Variants in TTBK1 observed in about 807,000 individuals in gnomAD.
TTBK1 encodes tau tubulin kinase 1.
Under a neutral mutation model 108.5 loss-of-function variants are expected in TTBK1, and 34 were observed. That is an observed-to-expected ratio of 0.31 (90% CI 0.24 to 0.42). The LOEUF is 0.42. Among genes scored for constraint, TTBK1 ranks in the 10% least tolerant of loss-of-function variants. The pLI, the probability that TTBK1 is intolerant of heterozygous loss-of-function variation, is 1.00. For synonymous variants in TTBK1, 809 were observed against 795.1 expected, an observed-to-expected ratio of 1.02 and a Z score of -0.29; for missense variants, 1,539 against 1,826.0, an observed-to-expected ratio of 0.84 and a Z score of 2.86.
rs764243061 is a variant in TTBK1, at chr6:43,263,303, C to T, written c.1939C>T (p.Pro647Ser). 9 of 1,490,828 alleles carry T rather than the reference C, an allele frequency of 6.0e-6. No individual in the cohort carries two copies. The highest frequency in any genetic ancestry group is 4.9e-5 in the Admixed American group (2 of 41,186). 92.3% of individuals were successfully genotyped at this position (1,490,828 alleles called of 1,614,324 possible). A position where few individuals can be genotyped will look rare whatever the true frequency, so the allele number is the denominator to read the frequency against. Reference sequence around the variant, plus strand: ...TTCCCACTCACCCCTGCACTCGGGACCCCGCCCTCGACGGAGAGAGTCGGA... The same window carrying T: ...TTCCCACTCACCCCTGCACTCGGGATCCCGCCCTCGACGGAGAGAGTCGGA... ...SPSHSPLHSGPRPRRRESDPT... is the reference protein window; with the variant it reads ...SPSHSPLHSGSRPRRRESDPT... Residue 647 changes from proline (P) to serine (S), a missense_variant, in exon 13 of 15, where the codon CCC becomes TCC. Coordinates refer to ENST00000259750, the MANE Select transcript of TTBK1 (RefSeq NM_032538.3). This position sits in a 1 kb window ranked among gnomAD's most constrained non-coding sequence, Gnocchi z 4.7.
In TTBK1 at chr6:43,253,845, C is replaced by T. The variant is rs965479432; in HGVS notation, c.471+137C>T. On this transcript the variant is annotated intron_variant, in intron 5 of 14. Coordinates refer to ENST00000259750, the MANE Select transcript of TTBK1 (RefSeq NM_032538.3). The surrounding 1 kb of genome is among the most constrained non-coding windows in gnomAD (Gnocchi z 5.8). ...GACAGCCTCTTCTCCCCAAGCCCCTCCTGCTCTCCTTCCCAGGCCCCATCT... is the reference window on the plus strand; with the variant it reads ...GACAGCCTCTTCTCCCCAAGCCCCTTCTGCTCTCCTTCCCAGGCCCCATCT... The T allele has an allele frequency of 8.6e-7, 1 of 1,159,964 alleles. No individual in the cohort carries two copies. Among genetic ancestry groups the T allele is most frequent in the South Asian group, 1.7e-5 (1 of 59,368 alleles). 71.9% of individuals were successfully genotyped at this position (1,159,964 alleles called of 1,614,324 possible). A position where few individuals can be genotyped will look rare whatever the true frequency, so the allele number is the denominator to read the frequency against.
In TTBK1 at chr6:43,269,957, G is replaced by GC. The variant is rs760559158; in HGVS notation, c.1986+6616dup. ...GGTTCACCCACAAGACCTAGGCTGG[G>GC]CCCCCCCCCTCCTGGAGGGGGCAGG... On this transcript the variant is annotated intron_variant, in intron 13 of 14. Transcript: ENST00000259750. This position sits in a 1 kb window ranked among gnomAD's most constrained non-coding sequence, Gnocchi z 4.8. 2,158 of 1,387,096 alleles carry GC rather than the reference G, an allele frequency of 1.6e-3. 1 individual carries two copies. Among genetic ancestry groups the GC allele is most frequent in the South Asian group, 2.8e-3 (184 of 64,880 alleles). 85.9% of individuals were successfully genotyped at this position (1,387,096 alleles called of 1,614,324 possible).
In TTBK1 at chr6:43,286,801, C is replaced by G. The variant is rs1412884373; in HGVS notation, c.*1425C>G. Reference sequence around the variant, plus strand: ...AACTGCCTACATCTGGGGCAAGCAGCACACCGGCTGCAGATGGGACAGCCA... The same window carrying G: ...AACTGCCTACATCTGGGGCAAGCAGGACACCGGCTGCAGATGGGACAGCCA... On this transcript the variant is annotated 3_prime_UTR_variant, in exon 15 of 15. Transcript: ENST00000259750. This position sits in a 1 kb window ranked among gnomAD's most constrained non-coding sequence, Gnocchi z 4.6. 1 of 152,440 alleles carries G rather than the reference C, an allele frequency of 6.6e-6. No individual in the cohort carries two copies. Among genetic ancestry groups the G allele is most frequent in the Non-Finnish European group, 1.5e-5 (1 of 68,232 alleles). 9.4% of individuals were successfully genotyped at this position (152,440 alleles called of 1,614,324 possible). A position where few individuals can be genotyped will look rare whatever the true frequency, so the allele number is the denominator to read the frequency against.
In TTBK1 at chr6:43,259,028, C is replaced by T. The variant is rs773099490; in HGVS notation, c.1017-10C>T. On this transcript the variant is annotated splice_polypyrimidine_tract_variant and intron_variant, in intron 10 of 14. Coordinates refer to ENST00000259750, the MANE Select transcript of TTBK1 (RefSeq NM_032538.3). The surrounding 1 kb of genome is among the most constrained non-coding windows in gnomAD (Gnocchi z 6.7). ...CAGCCTTGCCCATGGCTCCCTCCTGCCCTCTCCAGGGTGGTCAATGTGACG... is the reference window on the plus strand; with the variant it reads ...CAGCCTTGCCCATGGCTCCCTCCTGTCCTCTCCAGGGTGGTCAATGTGACG... 3 of 1,604,646 alleles carry T rather than the reference C, an allele frequency of 1.9e-6. No homozygotes were observed. The highest frequency in any genetic ancestry group is 2.6e-6 in the Non-Finnish European group (3 of 1,174,534).
At chr6:43,244,603 G>A (rs1169956320) in intron 1 of TTBK1, among the ~76,000 whole-genome samples, 1 of 152,174 alleles carries the variant, frequency 6.6e-6, no homozygotes, top group East Asian at 1.9e-4. Flanking sequence ...GAGAGAAGGA[G>A]GGTGGAGAGG....
chr6:43,266,646 TG>T (rs1473208351), intron 13 of TTBK1, among the ~76,000 whole-genome samples: 1 of 151,962 alleles, frequency 6.6e-6, no homozygotes, highest in Admixed American at 6.5e-5. Context: ...GACGGAGTTT[TG>T]CTCTTGTTCC....
Position 43,253,565 on chromosome 6 carries a change from C to A in TTBK1, c.331-3C>A. The A allele has an allele frequency of 6.2e-7, 1 of 1,603,942 alleles. No homozygotes were observed. Among genetic ancestry groups the A allele is most frequent in the Non-Finnish European group, 8.5e-7 (1 of 1,175,092 alleles). ...TCTACCCCCCACCTCCACCCCCATG[C>A]AGGGCCGGAACCTGGCCGACCTGCG... On this transcript the variant is annotated splice_polypyrimidine_tract_variant and splice_region_variant and intron_variant, in intron 4 of 14. Coordinates refer to ENST00000259750, the MANE Select transcript of TTBK1 (RefSeq NM_032538.3). The surrounding 1 kb of genome is among the most constrained non-coding windows in gnomAD (Gnocchi z 5.8).
At chr6:43,250,451 G>A (rs1281571396) in intron 2 of TTBK1, among the ~76,000 whole-genome samples, 1 of 150,514 alleles carries the variant, frequency 6.6e-6, no homozygotes, top group African/African-American at 2.5e-5. Flanking sequence ...CCGCCTCCCG[G>A]GTTCAAGTGA....
In TTBK1 at chr6:43,263,265, C is replaced by T. The variant is rs528510058; in HGVS notation, c.1901C>T (p.Thr634Met). Residue 634 changes from threonine to methionine, a missense_variant, in exon 13 of 15, where the codon ACG becomes ATG. By Grantham distance (81) the Thr-to-Met change is moderately conservative. This residue lies in a region of TTBK1 where 1,055 missense variants were observed against 1,086.5 expected (regional missense o/e 0.97). Transcript: ENST00000259750. This position sits in a 1 kb window ranked among gnomAD's most constrained non-coding sequence, Gnocchi z 4.7. ...CGTTCCGAGACGTCACAGCCCCCCA[C>T]GCCTGGCAGCCCTTCCCACTCACCC... The part of the protein sequence containing the change: ...DGRSETSQPP[T>M]PGSPSHSPLH... 24 of 1,539,142 alleles carry T rather than the reference C, an allele frequency of 1.6e-5. No homozygotes were observed. The highest frequency in any genetic ancestry group is 1.2e-4 in the East Asian group (5 of 41,516).
intron 2 of TTBK1, among the ~76,000 whole-genome samples, chr6:43,248,842 T>C (rs1346437197): frequency 6.6e-6 from 1 of 152,176 alleles, no homozygotes; most frequent in African/African-American, 2.4e-5. Context: ...TAACATCTTA[T>C]TCATCTTGAG....
intron 1 of TTBK1, among the ~76,000 whole-genome samples, chr6:43,245,617 G>A (rs1218938266): frequency 4.0e-5 from 6 of 151,858 alleles, no homozygotes; most frequent in East Asian, 1.9e-4. Context: ...ATACACACAC[G>A]CACACATGGG....
Position 43,263,011 on chromosome 6 carries a change from G to A in TTBK1, c.1647G>A (p.Glu549=). Residue 549 remains glutamate (E), a synonymous_variant, in exon 13 of 15, where the codon GAG becomes GAA. Coordinates refer to ENST00000259750, the MANE Select transcript of TTBK1 (RefSeq NM_032538.3). The surrounding 1 kb of genome is among the most constrained non-coding windows in gnomAD (Gnocchi z 4.7). ...DSKEWVIIDK[E]TELKDFPPGA... ...AAGAGTGGGTCATCATCGACAAGGA[G>A]ACGGAGCTCAAGGACTTCCCTCCAG... The A allele has an allele frequency of 6.2e-7, 1 of 1,608,672 alleles. No individual in the cohort carries two copies. The highest frequency in any genetic ancestry group is 8.5e-7 in the Non-Finnish European group (1 of 1,177,658).
At chr6:43,271,276 G>T (rs957600128) in intron 13 of TTBK1, 6 of 985,376 alleles carry the variant, frequency 6.1e-6, no homozygotes, top group African/African-American at 1.7e-5. Context: ...GTACACTTGT[G>T]CATAAGAGTG....
intron 13 of TTBK1, among the ~76,000 whole-genome samples, chr6:43,268,830 G>A (rs1049771674): frequency 6.6e-6 from 1 of 152,174 alleles, no homozygotes; most frequent in Non-Finnish European, 1.5e-5. Flanking sequence ...CTCCTCCTAC[G>A]AGTCCATCCC....
Position 43,269,525 on chromosome 6 carries a change from C to T in TTBK1, c.1986+6175C>T. ...CCCTCCTCCACCCTGCCTGACCCCG[C>T]CCACTTGCCCGGGACGCCGGCGCCG... is the stretch of plus-strand genomic sequence containing the variant. On this transcript the variant is annotated intron_variant, in intron 13 of 14. Coordinates refer to ENST00000259750, the MANE Select transcript of TTBK1 (RefSeq NM_032538.3). The surrounding 1 kb of genome is among the most constrained non-coding windows in gnomAD (Gnocchi z 4.8). 2 of 1,221,686 alleles carry T rather than the reference C, an allele frequency of 1.6e-6. No individual in the cohort carries two copies. Among genetic ancestry groups the T allele is most frequent in the South Asian group, 1.6e-5 (1 of 61,766 alleles). 75.7% of individuals were successfully genotyped at this position (1,221,686 alleles called of 1,614,324 possible). A position where few individuals can be genotyped will look rare whatever the true frequency, so the allele number is the denominator to read the frequency against.
In TTBK1 at chr6:43,269,646, G is replaced by A; in HGVS notation, c.1986+6296G>A. 2 of 1,609,968 alleles carry A rather than the reference G, an allele frequency of 1.2e-6. No individual in the cohort carries two copies. The highest frequency in any genetic ancestry group is 1.7e-6 in the Non-Finnish European group (2 of 1,178,480). On this transcript the variant is annotated intron_variant, in intron 13 of 14. Transcript: ENST00000259750. The surrounding 1 kb of genome is among the most constrained non-coding windows in gnomAD (Gnocchi z 4.8). Reference sequence around the variant, plus strand: ...CCACTTTCTTGGTCTCTTTCAGTTGGAGGAGGACAGACTCTCGGGGCACTC... The same window carrying A: ...CCACTTTCTTGGTCTCTTTCAGTTGAAGGAGGACAGACTCTCGGGGCACTC...
chr6:43,252,488 A>G (rs1260826666), intron 2 of TTBK1, among the ~76,000 whole-genome samples: 1 of 151,902 alleles, frequency 6.6e-6, no homozygotes, highest in Non-Finnish European at 1.5e-5. Flanking sequence ...TTAGGAGGGC[A>G]TGGTGGTGTG....
chr6:43,269,565 G>T lies in TTBK1; in HGVS notation c.1986+6215G>T, dbSNP rs1777769723. 2 of 1,438,268 alleles carry T rather than the reference G, an allele frequency of 1.4e-6. No individual in the cohort carries two copies. Among genetic ancestry groups the T allele is most frequent in the Admixed American group, 2.4e-5 (1 of 41,324 alleles). The allele number at this position is 1,438,268 out of a possible 1,614,324, so 89.1% of individuals were successfully genotyped here. A position where few individuals can be genotyped will look rare whatever the true frequency, so the allele number is the denominator to read the frequency against. On this transcript the variant is annotated intron_variant, in intron 13 of 14. Coordinates refer to ENST00000259750, the MANE Select transcript of TTBK1 (RefSeq NM_032538.3). This position sits in a 1 kb window ranked among gnomAD's most constrained non-coding sequence, Gnocchi z 4.8. ...CGCCGGCGCCGCAGGGGCTGTGAGC[G>T]GTGGGTGGCCCCGGAGACGGAGCTG...
intron 13 of TTBK1, chr6:43,270,807 G>T (rs1203437963): frequency 5.1e-6 from 5 of 985,392 alleles, no homozygotes; most frequent in Non-Finnish European, 6.0e-6. Flanking sequence ...AGCTAAGGTG[G>T]TTGTTAAGGA....
Sources: allele counts gnomAD v4.1 joint callset (sites outside exome capture counted in the v4.1 genomes callset), GRCh38; gene constraint gnomAD v4.1.1; regional missense constraint gnomAD v4.1.1; non-coding constraint Gnocchi (gnomAD v3.1); transcripts MANE v1.5; gene names NCBI Gene and HGNC (gene_info 2026-07-23, HGNC 2026-07-21).